KCNN4: variants seen among roughly 807,000 people sequenced by gnomAD.
The protein encoded by KCNN4 is potassium calcium-activated channel subfamily N member 4.
A neutral mutation model predicts 45.2 loss-of-function variants in KCNN4; 31 were observed. That is an observed-to-expected ratio of 0.69 (90% CI 0.52 to 0.92). KCNN4 has a LOEUF of 0.92. Ranked by LOEUF, KCNN4 falls within the 40% of genes least tolerant of loss-of-function variation. KCNN4 has a pLI of 0.00. For synonymous variants in KCNN4, 231 were observed against 254.6 expected (o/e 0.91, Z 0.88); for missense variants, 463 against 574.0 (o/e 0.81, Z 1.98).
rs1181581108 is a variant in KCNN4 at position 43,772,617 on chromosome 19, G to A, written c.684-482C>T. Among the ~76,000 whole-genome samples, 1 of 152,176 alleles carries A rather than the reference G, an allele frequency of 6.6e-6. No individual in the cohort carries two copies. The highest frequency in any genetic ancestry group is 1.5e-5 in the Non-Finnish European group (1 of 68,026). ...CCAAAAAGGACTCTAAAAAGGCTTG[G>A]TGGGACTCGGCCTTCCTTTCCTCTC... On this transcript the variant is annotated intron_variant, in intron 3 of 8. Coordinates refer to ENST00000648319, the MANE Select transcript of KCNN4 (RefSeq NM_002250.3). This position sits in a 1 kb window ranked among gnomAD's most constrained non-coding sequence, Gnocchi z 4.4.
intron 4 of KCNN4, among the ~76,000 whole-genome samples, chr19:43,770,897 T>C (rs1037484833): frequency 1.3e-5 from 2 of 152,154 alleles, no homozygotes; most frequent in Non-Finnish European, 2.9e-5. Flanking sequence ...TCCTGAGCGG[T>C]GCTGCAGGTC....
chr19:43,769,548 C>T lies in KCNN4; in HGVS notation c.943G>A (p.Ala315Thr), dbSNP rs1180143118. ...CAGGCTTCTTGTAGCACTCGGGCAG[C>T]GGACTCCTTCATCTGGGGGTGGGTG... ...IQYTKEMKES[A>T]ARVLQEAWMF... The change falls in exon 6 of 9, where the codon GCT (alanine) becomes ACT (threonine). Residue 315 changes from alanine to threonine, a missense_variant. This residue lies in a region of KCNN4 where 109 missense variants were observed against 183.7 expected (regional missense o/e 0.59). Coordinates refer to ENST00000648319, the MANE Select transcript of KCNN4 (RefSeq NM_002250.3). The surrounding 1 kb of genome is among the most constrained non-coding windows in gnomAD (Gnocchi z 4.4). The T allele has an allele frequency of 4.3e-6, 7 of 1,613,928 alleles. No homozygotes were observed. Among genetic ancestry groups the T allele is most frequent in the Non-Finnish European group, 5.1e-6 (6 of 1,179,926 alleles).
intron 3 of KCNN4, among the ~76,000 whole-genome samples, chr19:43,773,256 C>T (rs1251376211): frequency 6.6e-6 from 1 of 152,198 alleles, no homozygotes; most frequent in African/African-American, 2.4e-5. Flanking sequence ...GAGATTGTGC[C>T]ACTGCACGCT....
intron 7 of KCNN4, among the ~76,000 whole-genome samples, chr19:43,768,554 T>C (rs1969546185): frequency 6.6e-6 from 1 of 152,256 alleles, no homozygotes; most frequent in South Asian, 2.1e-4. Context: ...GGAAACAATG[T>C]CACCTGTGTC....
At chr19:43,777,632 C>T (rs1326010082) in intron 1 of KCNN4, among the ~76,000 whole-genome samples, 1 of 151,896 alleles carries the variant, frequency 6.6e-6, no homozygotes, top group East Asian at 1.9e-4. Flanking sequence ...CAGATCTGGC[C>T]GGAAGCACAG....
Position 43,776,551 on chromosome 19 carries a change from T to C in KCNN4, c.245A>G (p.Lys82Arg), listed in dbSNP as rs200510725. The C allele has an allele frequency of 2.5e-6, 4 of 1,612,194 alleles. No homozygotes were observed. Among genetic ancestry groups the C allele is most frequent in the Non-Finnish European group, 3.4e-6 (4 of 1,178,624 alleles). Reference protein sequence around the residue: ...LLCLIVAFHAKEVQLFMTDNG... With the variant: ...LLCLIVAFHAREVQLFMTDNG... ...CGGGGCCTGCCCTACCTGGACCTCTTTGGCATGAAAGGCCACGATGAGGCA... is the reference window on the plus strand; with the variant it reads ...CGGGGCCTGCCCTACCTGGACCTCTCTGGCATGAAAGGCCACGATGAGGCA... Residue 82 changes from lysine to arginine, a missense_variant, in exon 2 of 9, where the codon AAA becomes AGA. Lys to Arg is a conservative substitution (Grantham distance 26). Coordinates refer to ENST00000648319, the MANE Select transcript of KCNN4 (RefSeq NM_002250.3).
At chr19:43,777,646 C>T (rs1969851847) in intron 1 of KCNN4, among the ~76,000 whole-genome samples, 1 of 151,662 alleles carries the variant, frequency 6.6e-6, no homozygotes, top group Non-Finnish European at 1.5e-5. Flanking sequence ...AGCACAGGGC[C>T]TCCAGAAACC....
In KCNN4 at chr19:43,780,955, AG is replaced by A; in HGVS notation, c.-95del. On this transcript the variant is annotated 5_prime_UTR_variant, in exon 1 of 9. Transcript: ENST00000648319. Reference sequence around the variant, plus strand: ...CAGCCACTGTGGCTTGCAGGTCGTCAGCCTGCTCTGCTGGCTCTGGGACTTT... The same window carrying A: ...CAGCCACTGTGGCTTGCAGGTCGTCACCTGCTCTGCTGGCTCTGGGACTTT... The A allele has an allele frequency of 7.7e-7, 1 of 1,293,882 alleles. No individual in the cohort carries two copies. The highest frequency in any genetic ancestry group is 1.1e-6 in the Non-Finnish European group (1 of 914,910). 80.2% of individuals were successfully genotyped at this position (1,293,882 alleles called of 1,614,324 possible). A position where few individuals can be genotyped will look rare whatever the true frequency, so the allele number is the denominator to read the frequency against.
chr19:43,776,718 T>A (rs2064713078), intron 1 of KCNN4, 82 bp from the exon 2 acceptor site: 1 of 282,766 alleles, frequency 3.5e-6, no homozygotes, highest in South Asian at 6.5e-5. Flanking sequence ...AAAACCACCA[T>A]TTTTTTTTTT....
chr19:43,774,533 C>A lies in KCNN4; in HGVS notation c.342G>T (p.Val114=), dbSNP rs375753823. 18 of 1,595,554 alleles carry A rather than the reference C, an allele frequency of 1.1e-5. No homozygotes were observed. Among genetic ancestry groups the A allele is most frequent in the Admixed American group, 3.4e-5 (2 of 59,326 alleles). ...GCACGGGCGCCGGGTGCAGCCCACA[C>A]ACCACCAGCTCCAGCACGATCTGCG... The part of the protein sequence containing the change: ...QAAQIVLELV[V]CGLHPAPVRG... The change falls in exon 3 of 9, where the codon GTG becomes GTT. Residue 114 remains valine, a synonymous_variant. Transcript: ENST00000648319. This position sits in a 1 kb window ranked among gnomAD's most constrained non-coding sequence, Gnocchi z 5.6.
rs1474209177 is a variant in KCNN4 at position 43,772,877 on chromosome 19, CT to C, written c.684-743del. 6.6e-6 allele frequency among the ~76,000 whole-genome samples: 1 copy of C among 152,188 alleles called. No individual in the cohort carries two copies. Among genetic ancestry groups the C allele is most frequent in the East Asian group, 1.9e-4 (1 of 5,200 alleles). On this transcript the variant is annotated intron_variant, in intron 3 of 8. Transcript: ENST00000648319. This position sits in a 1 kb window ranked among gnomAD's most constrained non-coding sequence, Gnocchi z 4.4. ...TACATTCTAGTTTCAGGACTTCTGC[CT>C]TGGAATGTGGAACTTTGACTTCCTC...
In KCNN4 at chr19:43,769,779, C is replaced by T. The variant is rs755551516; in HGVS notation, c.870G>A (p.Glu290=). ...LLVAVVARKL[E]FNKAEKHVHN... ...GCACGTGCTTCTCTGCCTTGTTAAA[C>T]TCCAGCTTCCGGGCCACCACGGCCA... The change falls in exon 5 of 9, where the codon GAG becomes GAA. Residue 290 remains glutamate (E), a synonymous_variant. Coordinates refer to ENST00000648319, the MANE Select transcript of KCNN4 (RefSeq NM_002250.3). This position sits in a 1 kb window ranked among gnomAD's most constrained non-coding sequence, Gnocchi z 4.4. The T allele has an allele frequency of 6.2e-7, 1 of 1,613,840 alleles. No individual in the cohort carries two copies. Among genetic ancestry groups the T allele is most frequent in the Non-Finnish European group, 8.5e-7 (1 of 1,180,002 alleles).
Position 43,769,192 on chromosome 19 carries a change from C to T in KCNN4, c.1050-160G>A. The T allele has an allele frequency of 1.3e-6, 1 of 779,238 alleles. No individual in the cohort carries two copies. The allele number at this position is 779,238 out of a possible 1,614,324, so 48.3% of individuals were successfully genotyped here. ...GTGGGAGGGGATGCACCCTGCCTCC[C>T]CACGAGCCCCCATCCCCAGTAGAAA... On this transcript the variant is annotated intron_variant, in intron 6 of 8. Coordinates refer to ENST00000648319, the MANE Select transcript of KCNN4 (RefSeq NM_002250.3). This position sits in a 1 kb window ranked among gnomAD's most constrained non-coding sequence, Gnocchi z 4.4.
At position 43,780,832 on chromosome 19, in the gene KCNN4, C is replaced by T. The variant is rs375568794; in HGVS notation, c.30G>A (p.Gly10=). 9.3e-6 allele frequency: 15 copies of T among 1,613,912 alleles called. No individual in the cohort carries two copies. In the African/African-American group the frequency reaches 1.3e-4, roughly 14 times the overall value. MGGDLVLGL[G]ALRRRKRLLE... ...GCAAGCGCTTTCGGCGTCTCAAGGC[C>T]CCCAGGCCAAGCACCAGATCCCCGC... The change falls in exon 1 of 9, where the codon GGG becomes GGA. Residue 10 remains glycine, a synonymous_variant. Coordinates refer to ENST00000648319, the MANE Select transcript of KCNN4 (RefSeq NM_002250.3).
intron 1 of KCNN4, among the ~76,000 whole-genome samples, chr19:43,777,572 C>G (rs945520655): frequency 3.3e-5 from 5 of 152,160 alleles, no homozygotes; most frequent in Non-Finnish European, 7.4e-5. Flanking sequence ...CGGTTCTGCC[C>G]CCCTGCAGCT....
rs762086882 is a variant in KCNN4, at chr19:43,780,862, G to A, written c.-1C>T. On this transcript the variant is annotated 5_prime_UTR_variant, in exon 1 of 9. Coordinates refer to ENST00000648319, the MANE Select transcript of KCNN4 (RefSeq NM_002250.3). ...GGCCAAGCACCAGATCCCCGCCCATGGCCCCCGGGGTCTTGGGGCTCAGCC... is the reference window on the plus strand; with the variant it reads ...GGCCAAGCACCAGATCCCCGCCCATAGCCCCCGGGGTCTTGGGGCTCAGCC... The A allele has an allele frequency of 1.2e-6, 2 of 1,613,548 alleles. No homozygotes were observed. Among genetic ancestry groups the A allele is most frequent in the Non-Finnish European group, 1.7e-6 (2 of 1,179,832 alleles).
intron 4 of KCNN4, among the ~76,000 whole-genome samples, chr19:43,770,809 A>G (rs1270414841): frequency 1.3e-5 from 2 of 152,184 alleles, no homozygotes; most frequent in Non-Finnish European, 2.9e-5. Flanking sequence ...TTCTTCCAGG[A>G]GCAGGCTGTG....
chr19:43,768,326 A>G (rs1348463815), intron 7 of KCNN4, among the ~76,000 whole-genome samples: 2 of 152,258 alleles, frequency 1.3e-5, no homozygotes, highest in Non-Finnish European at 2.9e-5. Context: ...GTCGTGGGCT[A>G]ACGAGAAAAA....
chr19:43,777,034 A>T (rs974512949), intron 1 of KCNN4, among the ~76,000 whole-genome samples: 1 of 152,154 alleles, frequency 6.6e-6, no homozygotes, highest in Non-Finnish European at 1.5e-5. Context: ...GTGAGCTGAG[A>T]GATCGCGCCA....
Sources: allele counts gnomAD v4.1 joint callset (sites outside exome capture counted in the v4.1 genomes callset), GRCh38; gene constraint gnomAD v4.1.1; regional missense constraint gnomAD v4.1.1; non-coding constraint Gnocchi (gnomAD v3.1); transcripts MANE v1.5; gene names NCBI Gene and HGNC (gene_info 2026-07-23, HGNC 2026-07-21).